ICAM1: variants seen among roughly 807,000 people sequenced by gnomAD.
ICAM1 encodes the protein ICAM-1.
In ICAM1, 28 loss-of-function variants were observed where a neutral mutation model predicts 42.3. The ratio of observed to expected loss-of-function variants is 0.66; its 90% CI spans 0.49 to 0.91. The LOEUF is 0.91. Ranked by LOEUF, ICAM1 falls within the 40% of genes least tolerant of loss-of-function variation. The pLI is 0.00. For synonymous variants in ICAM1, 304 were observed against 305.9 expected (o/e 0.99, Z 0.07); for missense variants, 637 against 688.6 (o/e 0.93, Z 0.84).
At chr19:10,280,859 G>T (rs5030370) in intron 2 of ICAM1, among the ~76,000 whole-genome samples, 1 of 135,330 alleles carries the variant, frequency 7.4e-6, no homozygotes, top group African/African-American at 2.8e-5. Context: ...ATGAGCCACC[G>T]TGCCCGGCCT....
At chr19:10,282,116 A>G (rs1473600868) in intron 2 of ICAM1, 2 of 150,902 alleles carry the variant, frequency 1.3e-5, no homozygotes, top group Non-Finnish European at 2.9e-5. Flanking sequence ...TTCCCAGGCT[A>G]AAGTACAGTG....
rs1345328056 is a variant in ICAM1, at chr19:10,285,245, A to G, written c.1557A>G (p.Lys519=). 1.2e-6 allele frequency: 2 copies of G among 1,614,202 alleles called. No homozygotes were observed. The highest frequency in any genetic ancestry group is 1.6e-4 in the Middle Eastern group (1 of 6,062). Residue 519 remains lysine (K), a synonymous_variant, in exon 7 of 7, where the codon AAA becomes AAG. Coordinates refer to ENST00000264832, the MANE Select transcript of ICAM1 (RefSeq NM_000201.3). The part of the protein sequence containing the change: ...IKKYRLQQAQ[K]GTPMKPNTQA... Reference sequence around the variant, plus strand: ...AATACAGACTACAACAGGCCCAAAAAGGGACCCCCATGAAACCGAACACAC... The same window carrying G: ...AATACAGACTACAACAGGCCCAAAAGGGGACCCCCATGAAACCGAACACAC...
Position 10,274,710 on chromosome 19 carries a change from T to C in ICAM1, c.68-55T>C. Reference sequence around the variant, plus strand: ...CACCCAGCACAGGCTGGGCGCACATTCCCTTGATGAACCTGATTTGTAATG... The same window carrying C: ...CACCCAGCACAGGCTGGGCGCACATCCCCTTGATGAACCTGATTTGTAATG... On this transcript the variant is annotated intron_variant, in intron 1 of 6. Transcript: ENST00000264832. 5 of 1,581,786 alleles carry C rather than the reference T, an allele frequency of 3.2e-6. No homozygotes were observed. The South Asian group carries it at 5.7e-5, about 18-fold the overall frequency.
Position 10,271,196 on chromosome 19 carries a change from C to T in ICAM1, c.37C>T (p.Leu13Phe), listed in dbSNP as rs777039885. 1.2e-6 allele frequency: 2 copies of T among 1,613,514 alleles called. No individual in the cohort carries two copies. Among genetic ancestry groups the T allele is most frequent in the South Asian group, 2.2e-5 (2 of 91,006 alleles). ...CAGCCCCCGGCCCGCGCTGCCCGCA[C>T]TCCTGGTCCTGCTCGGGGCTCTGTT... The part of the protein sequence containing the change: ...PSSPRPALPA[L>F]LVLLGALFPG... Residue 13 changes from leucine (L) to phenylalanine (F), a missense_variant, in exon 1 of 7, where the codon CTC becomes TTC. Physicochemically the swap from Leu to Phe is conservative, Grantham distance 22. Transcript: ENST00000264832.
intron 2 of ICAM1, among the ~76,000 whole-genome samples, chr19:10,275,705 CTTTTTTT>C (rs568025125): frequency 9.2e-6 from 1 of 109,280 alleles, no homozygotes; most frequent in African/African-American, 3.8e-5. Context: ...CTGTTTCTTT[CTTTTTTT>C]TTTTTTTTTT....
In ICAM1 at chr19:10,284,379, G is replaced by A; in HGVS notation, c.926-24G>A. 1 of 1,612,006 alleles carries A rather than the reference G, an allele frequency of 6.2e-7. No individual in the cohort carries two copies. The highest frequency in any genetic ancestry group is 8.5e-7 in the Non-Finnish European group (1 of 1,179,778). On this transcript the variant is annotated intron_variant, in intron 4 of 6. Coordinates refer to ENST00000264832, the MANE Select transcript of ICAM1 (RefSeq NM_000201.3). This position sits in a 1 kb window ranked among gnomAD's most constrained non-coding sequence, Gnocchi z 5.4. ...GGGGGTGTGACCTGAACCCGGGGCG[G>A]GGCTCACTGTGTGCCTATTCCAGGC... is the stretch of plus-strand genomic sequence containing the variant.
intron 2 of ICAM1, among the ~76,000 whole-genome samples, chr19:10,278,532 T>C (rs1568293352): frequency 1.4e-5 from 2 of 144,748 alleles, no homozygotes; most frequent in African/African-American, 2.5e-5. Flanking sequence ...CTTTTCTGCA[T>C]CTCTGCCTGA....
At chr19:10,278,943 C>T (rs2040036402) in intron 2 of ICAM1, among the ~76,000 whole-genome samples, 1 of 152,118 alleles carries the variant, frequency 6.6e-6, no homozygotes, top group Admixed American at 6.6e-5. Flanking sequence ...TAGTTTTTAC[C>T]TCTGTGAAAT....
chr19:10,275,516 T>G (rs2040009866), intron 2 of ICAM1, among the ~76,000 whole-genome samples: 1 of 151,792 alleles, frequency 6.6e-6, no homozygotes, highest in African/African-American at 2.4e-5. Context: ...AAATGCCATC[T>G]CTCTATGCCT....
chr19:10,278,498 C>T (rs930525322), intron 2 of ICAM1, among the ~76,000 whole-genome samples: 1 of 148,626 alleles, frequency 6.7e-6, no homozygotes, highest in Non-Finnish European at 1.5e-5. Context: ...CTTCTGGAAA[C>T]CCCAGGGAAA....
intron 2 of ICAM1, among the ~76,000 whole-genome samples, chr19:10,280,718 C>A (rs1599268150): frequency 6.6e-6 from 1 of 151,932 alleles, no homozygotes; most frequent in African/African-American, 2.4e-5. Context: ...TACAGGCATG[C>A]GACACCACAC....
intron 1 of ICAM1, among the ~76,000 whole-genome samples, chr19:10,274,000 C>T (rs967977998): frequency 8.0e-5 from 12 of 150,188 alleles, no homozygotes; most frequent in South Asian, 2.1e-4. Flanking sequence ...AGTGACAAAG[C>T]GAGACTCCAT....
At position 10,284,712 on chromosome 19, in the gene ICAM1, A is replaced by G; in HGVS notation, c.1180+55A>G. ...ATCCCCCAAGGCCCAATCTCCCTGA[A>G]GGTCCCATAAGGTCTTGCCTCCAAG... On this transcript the variant is annotated intron_variant, in intron 5 of 6. Transcript: ENST00000264832. The surrounding 1 kb of genome is among the most constrained non-coding windows in gnomAD (Gnocchi z 5.4). 6.2e-7 allele frequency: 1 copy of G among 1,608,998 alleles called. No homozygotes were observed. The highest frequency in any genetic ancestry group is 8.5e-7 in the Non-Finnish European group (1 of 1,178,544).
chr19:10,272,567 T>C (rs1031063629), intron 1 of ICAM1, among the ~76,000 whole-genome samples: 2 of 115,074 alleles, frequency 1.7e-5, no homozygotes, highest in Middle Eastern at 4.3e-3. Flanking sequence ...TTTCTTTTTT[T>C]TTTTTTTTTT....
rs1377643578 is a variant in ICAM1, at chr19:10,274,985, C to T, written c.288C>T (p.Cys96=). 1.2e-6 allele frequency: 2 copies of T among 1,614,030 alleles called. No homozygotes were observed. The highest frequency in any genetic ancestry group is 2.7e-5 in the African/African-American group (2 of 74,944). ...EDSQPMCYSN[C]PDGQSTAKTF... ...GCCAACCAATGTGCTATTCAAACTG[C>T]CCTGATGGGCAGTCAACAGCTAAAA... The change falls in exon 2 of 7, where the codon TGC becomes TGT. Residue 96 remains cysteine (C), a synonymous_variant. Coordinates refer to ENST00000264832, the MANE Select transcript of ICAM1 (RefSeq NM_000201.3).
At chr19:10,277,733 G>C (rs1244356967) in intron 2 of ICAM1, among the ~76,000 whole-genome samples, 4 of 152,120 alleles carry the variant, frequency 2.6e-5, no homozygotes, top group Non-Finnish European at 4.4e-5. Context: ...TGATCTGCCC[G>C]CCTCGGCCTC....
chr19:10,274,024 A>T (rs5030350), intron 1 of ICAM1, among the ~76,000 whole-genome samples: 6 of 152,032 alleles, frequency 3.9e-5, no homozygotes, highest in African/African-American at 9.7e-5. Flanking sequence ...AAAAAAAAAA[A>T]AAATAAAAGA....
Position 10,285,437 on chromosome 19 carries a change from C to T in ICAM1, c.*150C>T. 1.4e-6 allele frequency: 1 copy of T among 692,292 alleles called. No homozygotes were observed. Among genetic ancestry groups the T allele is most frequent in the Non-Finnish European group, 2.4e-6 (1 of 411,766 alleles). 42.9% of individuals were successfully genotyped at this position (692,292 alleles called of 1,614,324 possible). Reference sequence around the variant, plus strand: ...GGGCATTGTCCTCAGTCAGATACAACAGCATTTGGGGCCATGGTACCTGCA... The same window carrying T: ...GGGCATTGTCCTCAGTCAGATACAATAGCATTTGGGGCCATGGTACCTGCA... On this transcript the variant is annotated 3_prime_UTR_variant, in exon 7 of 7. Transcript: ENST00000264832.
rs1181169472 is a variant in ICAM1 at position 10,286,586 on chromosome 19, G to A, written c.*1299G>A. 13 of 179,668 alleles carry A rather than the reference G, an allele frequency of 7.2e-5. No individual in the cohort carries two copies. In the Admixed American group the frequency reaches 8.2e-4, roughly 11 times the overall value. The allele number at this position is 179,668 out of a possible 1,614,324, so 11.1% of individuals were successfully genotyped here. Reference sequence around the variant, plus strand: ...TCGCAACATTGCCCAGACTTCCTTTGTGTTAGTTAATAAAGCTTTCTCAAC... The same window carrying A: ...TCGCAACATTGCCCAGACTTCCTTTATGTTAGTTAATAAAGCTTTCTCAAC... On this transcript the variant is annotated 3_prime_UTR_variant, in exon 7 of 7. Transcript: ENST00000264832.
Sources: gnomAD v4.1 joint callset for allele counts (sites outside exome capture counted in the v4.1 genomes callset) on GRCh38, gnomAD v4.1.1 for gene constraint, Gnocchi (gnomAD v3.1) non-coding constraint, MANE v1.5 for transcripts, NCBI Gene and HGNC (gene_info 2026-07-23, HGNC 2026-07-21) for gene names.